Variants in COL25A1 observed in about 807,000 individuals in gnomAD.
COL25A1 encodes collagen type XXV alpha 1 chain.
In COL25A1, 103 loss-of-function variants were observed where a neutral mutation model predicts 128.4. That is an observed-to-expected ratio of 0.80 (90% CI 0.68 to 0.94). The LOEUF is 0.94. Ranked by LOEUF, COL25A1 falls within the 40% of genes least tolerant of loss-of-function variation. COL25A1 has a pLI of 0.00. For synonymous variants in COL25A1, 279 were observed against 277.2 expected (o/e 1.01, Z -0.06); for missense variants, 745 against 840.0 (o/e 0.89, Z 1.40).
intron 13 of COL25A1, among the ~76,000 whole-genome samples, chr4:108,904,433 C>G (rs995093425): frequency 2.0e-5 from 3 of 152,030 alleles, no homozygotes; most frequent in Non-Finnish European, 2.9e-5. Context: ...TAGAAAACAA[C>G]AAGAAGTCTT....
intron 31 of COL25A1, 173 bp from the exon 32 acceptor site, chr4:108,832,606 T>C (rs999529699): frequency 2.1e-5 from 12 of 560,272 alleles, no homozygotes; most frequent in Non-Finnish European, 3.2e-5. Flanking sequence ...AAGAAACTCA[T>C]GCAAAAAGGA....
At chr4:109,079,718 G>A (rs1763671863) in intron 3 of COL25A1, among the ~76,000 whole-genome samples, 1 of 151,952 alleles carries the variant, frequency 6.6e-6, no homozygotes, top group African/African-American at 2.4e-5. Flanking sequence ...TAGTTTTCCA[G>A]CATTCTGGAG....
intron 3 of COL25A1, among the ~76,000 whole-genome samples, chr4:109,092,615 TCTAAGGTACTTGTA>T (rs757059726): frequency 3.9e-5 from 6 of 152,204 alleles, no homozygotes; most frequent in Non-Finnish European, 8.8e-5. Flanking sequence ...TATCTTGAAT[TCTAAGGTACTTGTA>T]CTAAATTATG....
intron 3 of COL25A1, among the ~76,000 whole-genome samples, chr4:109,178,552 C>A (rs538970817): frequency 6.6e-6 from 1 of 152,176 alleles, no homozygotes; most frequent in East Asian, 1.9e-4. Flanking sequence ...CAGCCAGGCA[C>A]GGTGGCTCAC....
At chr4:109,239,221 C>T (rs905500358) in intron 3 of COL25A1, among the ~76,000 whole-genome samples, 1 of 151,350 alleles carries the variant, frequency 6.6e-6, no homozygotes, top group Non-Finnish European at 1.5e-5. Context: ...TGTACTTAAA[C>T]AAACCTAGAT....
intron 3 of COL25A1, among the ~76,000 whole-genome samples, chr4:109,073,729 T>G (rs1763171909): frequency 6.6e-6 from 1 of 152,218 alleles, no homozygotes; most frequent in Non-Finnish European, 1.5e-5. Flanking sequence ...CTGCATTTAA[T>G]ATCTACTCAT....
intron 8 of COL25A1, among the ~76,000 whole-genome samples, chr4:108,955,032 A>C (rs1375092369): frequency 1.3e-5 from 2 of 152,050 alleles, no homozygotes; most frequent in Non-Finnish European, 2.9e-5. Flanking sequence ...TGGGATACCG[A>C]GATAAGTGAC....
chr4:109,225,337 AAAG>A (rs151091925), intron 3 of COL25A1, among the ~76,000 whole-genome samples: 42 of 152,352 alleles, frequency 2.8e-4, no homozygotes, highest in African/African-American at 9.1e-4. Flanking sequence ...ACAATTTTCA[AAAG>A]AAGACATAGA....
chr4:109,155,738 T>C (rs553852208), intron 3 of COL25A1, among the ~76,000 whole-genome samples: 1 of 152,352 alleles, frequency 6.6e-6, no homozygotes, highest in African/African-American at 2.4e-5. Flanking sequence ...GCAATTCAGA[T>C]GTCCAAAGTT....
chr4:108,845,166 A>G (rs1734937846), intron 29 of COL25A1, 23 bp downstream of exon 29: 4 of 1,602,890 alleles, frequency 2.5e-6, no homozygotes, highest in Non-Finnish European at 3.4e-6. Context: ...GGAACAATGG[A>G]AGTTCAGCCA....
intron 24 of COL25A1, among the ~76,000 whole-genome samples, chr4:108,854,556 T>C (rs563358220): frequency 2.6e-5 from 4 of 152,224 alleles, no homozygotes; most frequent in Admixed American, 1.3e-4. Flanking sequence ...GCAAAGGATA[T>C]GAACAGACAT....
intron 6 of COL25A1, among the ~76,000 whole-genome samples, chr4:109,007,753 G>A (rs1379656273): frequency 6.6e-6 from 1 of 152,156 alleles, no homozygotes; most frequent in Non-Finnish European, 1.5e-5. Flanking sequence ...CAGTTAGGTA[G>A]ACTATGTTTC....
chr4:108,861,204 C>T (rs555989605), intron 22 of COL25A1, among the ~76,000 whole-genome samples: 1 of 152,220 alleles, frequency 6.6e-6, no homozygotes, highest in South Asian at 2.1e-4. Flanking sequence ...CTTGAAACAA[C>T]AATATATATG....
intron 3 of COL25A1, among the ~76,000 whole-genome samples, chr4:109,276,783 C>T (rs1722895211): frequency 6.6e-6 from 1 of 152,092 alleles, no homozygotes; most frequent in Non-Finnish European, 1.5e-5. Flanking sequence ...TTTAAACAAC[C>T]TTGTTAGATG....
At chr4:109,150,463 A>G (rs1447123920) in intron 3 of COL25A1, among the ~76,000 whole-genome samples, 2 of 152,196 alleles carry the variant, frequency 1.3e-5, no homozygotes, top group Non-Finnish European at 2.9e-5. Flanking sequence ...GATGTTGCAT[A>G]GCAAGAACTT....
intron 3 of COL25A1, among the ~76,000 whole-genome samples, chr4:109,285,586 C>G (rs77412988): frequency 6.6e-5 from 10 of 152,328 alleles, no homozygotes; most frequent in Non-Finnish European, 1.2e-4. Flanking sequence ...AAGGGATTAT[C>G]AGTGCCAGTG....
intron 3 of COL25A1, among the ~76,000 whole-genome samples, chr4:109,197,370 A>AAT (rs1341836082): frequency 7.7e-6 from 1 of 129,300 alleles, no homozygotes; most frequent in African/African-American, 2.9e-5. Context: ...AAAAATATAT[A>AAT]ATATATATAA....
At position 109,015,255 on chromosome 4, in the gene COL25A1, C is replaced by A. The variant is rs541199104; in HGVS notation, c.421-4880G>T. ...CTTGATTAATACAAATATTTTCATTCGTTACTGAGTAGTATTGTTCTAGTC... is the reference window on the plus strand; with the variant it reads ...CTTGATTAATACAAATATTTTCATTAGTTACTGAGTAGTATTGTTCTAGTC... On this transcript the variant is annotated intron_variant, in intron 5 of 37. Coordinates refer to ENST00000399132, the MANE Select transcript of COL25A1 (RefSeq NM_198721.4). 1.3e-4 allele frequency among the ~76,000 whole-genome samples: 20 copies of A among 152,264 alleles called. No homozygotes were observed. The South Asian group carries it at 3.9e-3, about 30-fold the overall frequency.
At chr4:109,196,716 T>C (rs1315032734) in intron 3 of COL25A1, among the ~76,000 whole-genome samples, 1 of 152,200 alleles carries the variant, frequency 6.6e-6, no homozygotes, top group Non-Finnish European at 1.5e-5. Context: ...ATCATACATA[T>C]GTTACACTCC....
Sources: allele counts gnomAD v4.1 joint callset (sites outside exome capture counted in the v4.1 genomes callset), GRCh38; gene constraint gnomAD v4.1.1; transcripts MANE v1.5; gene names NCBI Gene and HGNC (gene_info 2026-07-23, HGNC 2026-07-21).